FAM120A: variants seen among roughly 807,000 people sequenced by gnomAD.
The protein encoded by FAM120A is constitutive coactivator of PPAR-gamma-like protein 1.
FAM120A carries 15 observed loss-of-function variants against 109.7 expected under a neutral mutation model. The observed-to-expected ratio is 0.14, with a 90% CI of 0.09 to 0.21. The LOEUF (loss-of-function observed/expected upper bound fraction) is 0.21, where lower values mean the gene tolerates loss of function less well. FAM120A is among the 10% of genes least tolerant of loss of function. The pLI is 1.00. For synonymous variants in FAM120A, 493 were observed against 572.8 expected, an observed-to-expected ratio of 0.86 and a Z score of 1.99; for missense variants, 899 against 1,439.3, an observed-to-expected ratio of 0.62 and a Z score of 6.07.
chr9:93,493,068 C>T (rs1351506848), intron 3 of FAM120A, among the ~76,000 whole-genome samples: 2 of 152,140 alleles, frequency 1.3e-5, no homozygotes, highest in African/African-American at 2.4e-5. Context: ...TGCTCTGGCC[C>T]GGGAGGCTGA....
intron 5 of FAM120A, among the ~76,000 whole-genome samples, chr9:93,505,051 GTTTTTTTTTTTTT>G (rs768552939): frequency 4.9e-5 from 4 of 81,318 alleles, no homozygotes; most frequent in African/African-American, 1.9e-4. Flanking sequence ...GTTCGCTTGT[GTTTTTTTTTTTTT>G]TTTTTTTTTT....
At position 93,451,886 on chromosome 9, in the gene FAM120A, C is replaced by T. The variant is rs1321131997; in HGVS notation, c.-30C>T. The T allele has an allele frequency of 3.3e-6, 4 of 1,230,038 alleles. No individual in the cohort carries two copies. The highest frequency in any genetic ancestry group is 3.3e-5 in the South Asian group (1 of 30,420). 76.2% of individuals were successfully genotyped at this position (1,230,038 alleles called of 1,614,324 possible). ...ACCCCCGGCCCCGCCGCCCCCCGCCCGCACCCGCGCCCGCGCCCCCGCCGC... is the reference window on the plus strand; with the variant it reads ...ACCCCCGGCCCCGCCGCCCCCCGCCTGCACCCGCGCCCGCGCCCCCGCCGC... On this transcript the variant is annotated 5_prime_UTR_variant, in exon 1 of 18. Transcript: ENST00000277165.
chr9:93,529,127 T>G (rs756547834), intron 8 of FAM120A, among the ~76,000 whole-genome samples: 1 of 152,090 alleles, frequency 6.6e-6, no homozygotes, highest in Non-Finnish European at 1.5e-5. Context: ...TGTGGCACAG[T>G]AGATGTTGAT....
At chr9:93,514,257 T>A (rs1436480856) in intron 5 of FAM120A, among the ~76,000 whole-genome samples, 2 of 152,214 alleles carry the variant, frequency 1.3e-5, no homozygotes, top group Non-Finnish European at 2.9e-5. Context: ...ACTGCCCCTA[T>A]GATCCAATTA....
chr9:93,546,011 C>T (rs1002331518), intron 11 of FAM120A, among the ~76,000 whole-genome samples: 6 of 151,900 alleles, frequency 3.9e-5, no homozygotes, highest in Middle Eastern at 3.4e-3. Flanking sequence ...GTCTTGAACT[C>T]CTGACCTCAG....
At chr9:93,507,100 A>G (rs1473764070) in intron 5 of FAM120A, among the ~76,000 whole-genome samples, 1 of 152,102 alleles carries the variant, frequency 6.6e-6, no homozygotes, top group Admixed American at 6.6e-5. Context: ...CTTGGGCCTC[A>G]GTGTGCAGAG....
intron 11 of FAM120A, among the ~76,000 whole-genome samples, chr9:93,548,553 A>G (rs1407229535): frequency 6.6e-6 from 1 of 152,236 alleles, no homozygotes; most frequent in Non-Finnish European, 1.5e-5. Context: ...TGAACTGTAC[A>G]CTTAAAAATG....
In FAM120A at chr9:93,468,423, C is replaced by T. The variant is rs189295178; in HGVS notation, c.475-2718C>T. On this transcript the variant is annotated intron_variant, in intron 1 of 17. Transcript: ENST00000277165. ...TTGGAGAGACATATATGTAAAAGAA[C>T]GGTAGTTTGTCCAAAGTGCTGTAGC... Among the ~76,000 whole-genome samples the T allele has an allele frequency of 6.6e-5, 10 of 152,242 alleles. No homozygotes were observed. In the East Asian group the frequency reaches 1.5e-3, roughly 23 times the overall value.
At chr9:93,483,189 G>T (rs1203983197) in intron 3 of FAM120A, among the ~76,000 whole-genome samples, 1 of 152,056 alleles carries the variant, frequency 6.6e-6, no homozygotes, top group Non-Finnish European at 1.5e-5. Flanking sequence ...CTCCAAAGAA[G>T]GAATTTCTCC....
At chr9:93,455,344 A>G (rs1857505209) in intron 1 of FAM120A, among the ~76,000 whole-genome samples, 1 of 152,146 alleles carries the variant, frequency 6.6e-6, no homozygotes, top group Non-Finnish European at 1.5e-5. Context: ...AGAGTAGAGG[A>G]GGGGAAGGAT....
At chr9:93,499,502 T>G (rs562064408) in intron 5 of FAM120A, among the ~76,000 whole-genome samples, 4 of 152,132 alleles carry the variant, frequency 2.6e-5, no homozygotes, top group South Asian at 2.1e-4. Context: ...TGGCCAGACT[T>G]GTCTCGAACT....
chr9:93,561,022 TGAAAA>T, intron 15 of FAM120A, 82 bp from the exon 16 acceptor site: 2 of 1,470,264 alleles, frequency 1.4e-6, no homozygotes, highest in African/African-American at 1.4e-5. Context: ...AAACCAAAAC[TGAAAA>T]GAAGTTTCTT....
At chr9:93,491,776 G>T (rs949749720) in intron 3 of FAM120A, among the ~76,000 whole-genome samples, 3 of 151,778 alleles carry the variant, frequency 2.0e-5, no homozygotes, top group African/African-American at 7.3e-5. Flanking sequence ...ATGTACATAT[G>T]GTTCTAGCTC....
chr9:93,511,985 T>G (rs1860342477), intron 5 of FAM120A, among the ~76,000 whole-genome samples: 1 of 152,240 alleles, frequency 6.6e-6, no homozygotes, highest in Non-Finnish European at 1.5e-5. Flanking sequence ...AGAGACGGGC[T>G]TTCGCCATGT....
At chr9:93,491,393 C>T (rs564133258) in intron 3 of FAM120A, among the ~76,000 whole-genome samples, 36 of 152,324 alleles carry the variant, frequency 2.4e-4, no homozygotes, top group South Asian at 1.2e-3. Context: ...ATTCTGCATT[C>T]AGCTATATCC....
chr9:93,494,166 A>G (rs189998312), intron 3 of FAM120A, among the ~76,000 whole-genome samples: 31 of 152,208 alleles, frequency 2.0e-4, no homozygotes, highest in Admixed American at 1.1e-3. Flanking sequence ...TCTTTCCCCA[A>G]CTGTGCCCTT....
rs1034195722 is a variant in FAM120A at position 93,559,346 on chromosome 9, A to G, written c.2806+628A>G. 6.6e-5 allele frequency among the ~76,000 whole-genome samples: 10 copies of G among 152,358 alleles called. No individual in the cohort carries two copies. The South Asian group carries it at 1.4e-3, about 22-fold the overall frequency. On this transcript the variant is annotated intron_variant, in intron 15 of 17. Transcript: ENST00000277165. Reference sequence around the variant, plus strand: ...CTTTGTCCTAATCCCACATTTTGGGACTGCAGATCTAAATCTGCCCATCAA... The same window carrying G: ...CTTTGTCCTAATCCCACATTTTGGGGCTGCAGATCTAAATCTGCCCATCAA...
intron 10 of FAM120A, among the ~76,000 whole-genome samples, chr9:93,533,069 A>G (rs1861391453): frequency 6.6e-6 from 1 of 152,224 alleles, no homozygotes; most frequent in South Asian, 2.1e-4. Context: ...AAGTAACTGT[A>G]TATTTAGTTG....
chr9:93,453,789 C>T (rs1037922944), intron 1 of FAM120A, among the ~76,000 whole-genome samples: 3 of 152,172 alleles, frequency 2.0e-5, no homozygotes, highest in Non-Finnish European at 4.4e-5. Context: ...AAGTAAGGTG[C>T]TGCCATTTGT....
Sources: gnomAD v4.1 joint callset for allele counts (sites outside exome capture counted in the v4.1 genomes callset) on GRCh38, gnomAD v4.1.1 for gene constraint, MANE v1.5 for transcripts, NCBI Gene and HGNC (gene_info 2026-07-23, HGNC 2026-07-21) for gene names.